IL1RAPL1: variants seen among roughly 807,000 people sequenced by gnomAD.
IL1RAPL1 encodes interleukin 1 receptor accessory protein like 1, also known as interleukin-1 receptor accessory protein-like 1.
IL1RAPL1 carries 3 observed loss-of-function variants against 48.4 expected under a neutral mutation model. The ratio of observed to expected loss-of-function variants is 0.06; its 90% CI spans 0.03 to 0.16. The LOEUF (loss-of-function observed/expected upper bound fraction) is 0.16, where lower values mean the gene tolerates loss of function less well. Among genes scored for constraint, IL1RAPL1 ranks in the 10% least tolerant of loss-of-function variants. IL1RAPL1 has a pLI of 1.00. For synonymous variants in IL1RAPL1, 185 were observed against 187.7 expected (o/e 0.99, Z 0.12); for missense variants, 349 against 530.6 (o/e 0.66, Z 3.36).
chrX:28,653,006 G>A (rs746858146), intron 1 of IL1RAPL1, among the ~76,000 whole-genome samples: 18 of 111,487 alleles, frequency 1.6e-4, no homozygotes, highest in East Asian at 1.4e-3. Flanking sequence ...AAGAAGACAC[G>A]CGCAGGTAGA....
intron 2 of IL1RAPL1, among the ~76,000 whole-genome samples, chrX:29,186,827 G>A (rs969600250): frequency 2.7e-5 from 3 of 111,475 alleles, no homozygotes; most frequent in Non-Finnish European, 5.6e-5. Flanking sequence ...AGGAAGTCAA[G>A]GTTTAATGAA....
intron 3 of IL1RAPL1, among the ~76,000 whole-genome samples, chrX:29,339,135 G>T (rs1410818655): frequency 9.4e-6 from 1 of 105,856 alleles, no homozygotes; most frequent in African/African-American, 3.6e-5. Context: ...AATATCACAT[G>T]TTACTATGTT....
At chrX:29,875,626 A>G (rs1225942366) in intron 6 of IL1RAPL1, among the ~76,000 whole-genome samples, 1 of 111,922 alleles carries the variant, frequency 8.9e-6, no homozygotes, top group Non-Finnish European at 1.9e-5. Context: ...GCATCAGTCT[A>G]GAGTTCTACA....
intron 1 of IL1RAPL1, among the ~76,000 whole-genome samples, chrX:28,713,246 C>T (rs1045560859): frequency 6.4e-5 from 7 of 109,754 alleles, no homozygotes; most frequent in African/African-American, 1.7e-4. Context: ...TCAGTAGAGA[C>T]GGGGTTTCAC....
At chrX:29,789,066 T>C (rs889776626) in intron 6 of IL1RAPL1, among the ~76,000 whole-genome samples, 2 of 112,246 alleles carry the variant, frequency 1.8e-5, no homozygotes, top group Non-Finnish European at 3.8e-5. Flanking sequence ...TTGCATATGC[T>C]TAAGGCACTG....
At chrX:29,316,610 G>C (rs907765362) in intron 3 of IL1RAPL1, among the ~76,000 whole-genome samples, 1 of 111,972 alleles carries the variant, frequency 8.9e-6, no homozygotes, top group East Asian at 2.8e-4. Context: ...GGTACACATT[G>C]GTGAGGCCTA....
At chrX:29,501,724 A>G (rs1306969854) in intron 5 of IL1RAPL1, among the ~76,000 whole-genome samples, 2 of 107,459 alleles carry the variant, frequency 1.9e-5, no homozygotes, top group Admixed American at 9.9e-5. Flanking sequence ...TCTTTGTAGT[A>G]TATTTTGAAG....
intron 2 of IL1RAPL1, among the ~76,000 whole-genome samples, chrX:29,020,858 A>G (rs1220849438): frequency 8.9e-6 from 1 of 112,120 alleles, no homozygotes; most frequent in Admixed American, 9.5e-5. Flanking sequence ...CCAGTTTTCA[A>G]TTTTCCTATG....
chrX:28,762,583 A>G (rs1323019842), intron 1 of IL1RAPL1, among the ~76,000 whole-genome samples: 1 of 110,584 alleles, frequency 9.0e-6, no homozygotes, highest in African/African-American at 3.3e-5. Flanking sequence ...ACACGGGCAC[A>G]CACACACTTT....
chrX:29,047,953 A>C (rs745868221), intron 2 of IL1RAPL1, among the ~76,000 whole-genome samples: 1 of 110,903 alleles, frequency 9.0e-6, no homozygotes, highest in African/African-American at 3.3e-5. Flanking sequence ...TATGCATTAC[A>C]TACCACCCTT....
chrX:29,751,385 A>G (rs1189590472), intron 6 of IL1RAPL1, among the ~76,000 whole-genome samples: 3 of 111,755 alleles, frequency 2.7e-5, no homozygotes, highest in Non-Finnish European at 3.8e-5. Context: ...TGCAAAAACA[A>G]TTTGAAAAAC....
At chrX:29,951,899 GTGATGTTATGGAAGT>G (rs1933327018) in intron 9 of IL1RAPL1, among the ~76,000 whole-genome samples, 1 of 111,117 alleles carries the variant, frequency 9.0e-6, no homozygotes, top group Non-Finnish European at 1.9e-5. Context: ...CTACACAGAA[GTGATGTTATGGAAGT>G]TGATGTTATG....
chrX:29,023,200 A>G (rs923106637), intron 2 of IL1RAPL1, among the ~76,000 whole-genome samples: 2 of 112,810 alleles, frequency 1.8e-5, no homozygotes, highest in African/African-American at 6.4e-5. Context: ...GGAAATAAGT[A>G]ACCACGTCAA....
chrX:29,124,331 T>C (rs1234984660), intron 2 of IL1RAPL1, among the ~76,000 whole-genome samples: 1 of 112,523 alleles, frequency 8.9e-6, no homozygotes, highest in East Asian at 2.8e-4. Context: ...TATTCTATTA[T>C]ACTCAGAAGA....
chrX:29,077,619 AAAAG>A (rs1180186134), intron 2 of IL1RAPL1, among the ~76,000 whole-genome samples: 1 of 62,136 alleles, frequency 1.6e-5, no homozygotes. Flanking sequence ...AAAAAAAAAA[AAAAG>A]AAAAAGAAAA....
chrX:28,727,555 G>T (rs1394638481), intron 1 of IL1RAPL1, among the ~76,000 whole-genome samples: 4 of 105,951 alleles, frequency 3.8e-5, no homozygotes, highest in Non-Finnish European at 7.7e-5. Context: ...GCCCTGGCCA[G>T]AACTTCCAAC....
intron 5 of IL1RAPL1, among the ~76,000 whole-genome samples, chrX:29,555,694 C>A (rs1032062299): frequency 8.9e-5 from 10 of 111,892 alleles, no homozygotes; most frequent in African/African-American, 2.3e-4. Context: ...TGAGTCATTT[C>A]TGCATCCCTC....
chrX:28,646,528 C>G (rs1204854103), intron 1 of IL1RAPL1, among the ~76,000 whole-genome samples: 1 of 112,352 alleles, frequency 8.9e-6, no homozygotes, highest in African/African-American at 3.2e-5. Flanking sequence ...AAATACTTAT[C>G]TTTTCTAAAA....
chrX:29,736,985 A>G (rs1455593138), intron 6 of IL1RAPL1, among the ~76,000 whole-genome samples: 1 of 111,844 alleles, frequency 8.9e-6, no homozygotes, highest in Non-Finnish European at 1.9e-5. Context: ...GTATTCCCCC[A>G]ACCACCAGTG....
Sources: allele counts gnomAD v4.1 joint callset (sites outside exome capture counted in the v4.1 genomes callset), GRCh38; gene constraint gnomAD v4.1.1; transcripts MANE v1.5; gene names NCBI Gene and HGNC (gene_info 2026-07-23, HGNC 2026-07-21).